The following SCAF11 variants were observed in gnomAD, a reference collection of about 807,000 sequenced individuals.
The protein encoded by SCAF11 is SR-related CTD associated factor 11.
SCAF11 carries 47 observed loss-of-function variants against 140.5 expected under a neutral mutation model. The ratio of observed to expected loss-of-function variants is 0.33; its 90% CI spans 0.26 to 0.43. The LOEUF is 0.43. SCAF11 is among the 20% of genes least tolerant of loss of function. The pLI is 1.00. For synonymous variants in SCAF11, 557 were observed against 579.4 expected, an observed-to-expected ratio of 0.96 and a Z score of 0.55; for missense variants, 1,645 against 1,705.1, an observed-to-expected ratio of 0.96 and a Z score of 0.62.
In SCAF11 at chr12:45,958,419, T is replaced by C. The variant is rs551673610; in HGVS notation, c.219+3281A>G. ...TAAAATAAATAACTTCCTAACTGAA[T>C]AGATGATAAGCTTTAGCATACTGGC... On this transcript the variant is annotated intron_variant, in intron 3 of 14. Transcript: ENST00000369367. Among the ~76,000 whole-genome samples, 6 of 152,330 alleles carry C rather than the reference T, an allele frequency of 3.9e-5. No homozygotes were observed. The South Asian group carries it at 1.0e-3, about 26-fold the overall frequency.
intron 12 of SCAF11, among the ~76,000 whole-genome samples, chr12:45,924,340 A>T (rs1016146489): frequency 2.0e-5 from 3 of 152,206 alleles, no homozygotes; most frequent in African/African-American, 7.2e-5. Context: ...TAAAAGCTTC[A>T]TCACAGTACT....
intron 1 of SCAF11, among the ~76,000 whole-genome samples, chr12:45,972,903 T>TAGATATATAG (rs1565688853): frequency 7.1e-5 from 7 of 98,702 alleles, no homozygotes; most frequent in African/African-American, 3.0e-4. Context: ...GATATATATA[T>TAGATATATAG]ATATAGATAT....
At chr12:45,977,924 CAG>C (rs1323731601) in intron 1 of SCAF11, among the ~76,000 whole-genome samples, 2 of 152,148 alleles carry the variant, frequency 1.3e-5, no homozygotes, top group Non-Finnish European at 2.9e-5. Flanking sequence ...GTTGCAGAAA[CAG>C]ATCAGTTCCA....
intron 1 of SCAF11, among the ~76,000 whole-genome samples, chr12:45,981,381 T>C (rs896787355): frequency 1.3e-5 from 2 of 152,186 alleles, no homozygotes; most frequent in Non-Finnish European, 2.9e-5. Context: ...TACAAATCCA[T>C]GCCAAAGAAA....
intron 6 of SCAF11, among the ~76,000 whole-genome samples, chr12:45,937,439 T>C (rs2136537459): frequency 6.6e-6 from 1 of 152,322 alleles, no homozygotes; most frequent in East Asian, 1.9e-4. Flanking sequence ...TCAGGTTGCT[T>C]TTGTCTTTGT....
chr12:45,966,861 C>T (rs1033120725), intron 1 of SCAF11, among the ~76,000 whole-genome samples: 1 of 152,036 alleles, frequency 6.6e-6, no homozygotes, highest in Non-Finnish European at 1.5e-5. Context: ...ATACTATCTC[C>T]TTCATTATCC....
chr12:45,948,661 T>C, intron 4 of SCAF11, 124 bp from the exon 5 acceptor site: 1 of 622,862 alleles, frequency 1.6e-6, no homozygotes, highest in Non-Finnish European at 2.8e-6. Flanking sequence ...GTAGTCCAAA[T>C]ACATATGCTT....
intron 13 of SCAF11, 57 bp downstream of exon 13, chr12:45,922,879 T>C (rs1286541594): frequency 1.3e-6 from 2 of 1,488,462 alleles, no homozygotes; most frequent in Admixed American, 1.7e-5. Flanking sequence ...AAAGCTGATA[T>C]TTTTTCTCCT....
Position 45,926,600 on chromosome 12 carries a change from G to C in SCAF11, c.3101C>G (p.Pro1034Arg). ...ITEKINSGPDPRTRNPEKLKE... is the reference protein window; with the variant it reads ...ITEKINSGPDRRTRNPEKLKE... ...CAACTTTTCTGGATTTCTGGTTCTT[G>C]GATCAGGCCCAGAGTTTATTTTTTC... Residue 1034 changes from proline (P) to arginine (R), a missense_variant, in exon 11 of 15, where the codon CCA becomes CGA. By Grantham distance (103) the Pro-to-Arg change is moderately radical. Transcript: ENST00000369367. The C allele has an allele frequency of 6.2e-7, 1 of 1,613,542 alleles. No homozygotes were observed. The highest frequency in any genetic ancestry group is 2.2e-5 in the East Asian group (1 of 44,880).
intron 6 of SCAF11, among the ~76,000 whole-genome samples, chr12:45,939,498 C>G (rs1191123914): frequency 1.3e-5 from 2 of 152,098 alleles, no homozygotes; most frequent in African/African-American, 4.8e-5. Context: ...GAGTTTGAGA[C>G]CAGCCTGACC....
chr12:45,964,645 G>A (rs1183137965), intron 1 of SCAF11, among the ~76,000 whole-genome samples: 3 of 151,596 alleles, frequency 2.0e-5, no homozygotes, highest in Admixed American at 6.6e-5. Context: ...CCAGCCTGGG[G>A]GACACAGTGA....
chr12:45,951,541 T>C (rs1314574583), intron 4 of SCAF11, 109 bp downstream of exon 4: 33 of 650,280 alleles, frequency 5.1e-5, no homozygotes, highest in African/African-American at 1.5e-4. Context: ...TAAAATAACA[T>C]ATTAAACCTT....
At chr12:45,939,627 G>A (rs1945248950) in intron 6 of SCAF11, among the ~76,000 whole-genome samples, 1 of 152,230 alleles carries the variant, frequency 6.6e-6, no homozygotes, top group Non-Finnish European at 1.5e-5. Flanking sequence ...GAACCCAGGA[G>A]GCGGAGGTTG....
In SCAF11 at chr12:45,948,455, T is replaced by G. The variant is rs747964852; in HGVS notation, c.380A>C (p.Asn127Thr). The change falls in exon 5 of 15, where the codon AAT becomes ACT. Residue 127 changes from asparagine to threonine, a missense_variant. Transcript: ENST00000369367. The stretch of plus-strand genomic sequence containing the variant: ...CACTAACCTTATACAGCTTTTAGAA[T>G]TTTCATGACAGGAGACCTGTTTCTC... The part of the protein sequence containing the change: ...SFEKQVSCHE[N>T]SKSCIRRKAI... The G allele has an allele frequency of 1.2e-6, 2 of 1,609,506 alleles. No individual in the cohort carries two copies. The highest frequency in any genetic ancestry group is 1.1e-5 in the South Asian group (1 of 90,530).
chr12:45,991,964 C>T (rs959585533), upstream of SCAF11: 27 of 1,289,270 alleles, frequency 2.1e-5, no homozygotes, highest in African/African-American at 3.2e-4. Flanking sequence ...GTGCTGCGCT[C>T]TCCAGCCACC....
At chr12:45,974,322 G>C (rs1168048941) in intron 1 of SCAF11, 1 of 431,652 alleles carries the variant, frequency 2.3e-6, no homozygotes, top group African/African-American at 2.0e-5. Flanking sequence ...GAAGGGCAGG[G>C]TTGGCTGTGG....
At position 45,924,905 on chromosome 12, in the gene SCAF11, T is replaced by C. The variant is rs142403222; in HGVS notation, c.3729A>G (p.Gln1243=). The change falls in exon 12 of 15, where the codon CAA becomes CAG. Residue 1243 remains glutamine, a synonymous_variant. Coordinates refer to ENST00000369367, the MANE Select transcript of SCAF11 (RefSeq NM_004719.3). The stretch of plus-strand genomic sequence containing the variant: ...GAGGATGAATGTTAAATGGATTGCG[T>C]TGGATGTTCATCAAAGGAGCATGAA... ...VGVHAPLMNI[Q]RNPFNIHPQL... 3.7e-6 allele frequency: 6 copies of C among 1,614,034 alleles called. No homozygotes were observed. The highest frequency in any genetic ancestry group is 1.3e-5 in the African/African-American group (1 of 74,916).
chr12:45,976,070 A>G (rs1280912890), intron 1 of SCAF11, among the ~76,000 whole-genome samples: 1 of 152,186 alleles, frequency 6.6e-6, no homozygotes, highest in Middle Eastern at 3.2e-3. Flanking sequence ...ACAAAACACA[A>G]TAAACTGAAC....
At chr12:45,960,764 A>T (rs1360249427) in intron 3 of SCAF11, 1 of 152,084 alleles carries the variant, frequency 6.6e-6, no homozygotes, top group Non-Finnish European at 1.5e-5. Context: ...CACACTATTA[A>T]TGAAAATTTA....
Sources: allele counts gnomAD v4.1 joint callset (sites outside exome capture counted in the v4.1 genomes callset), GRCh38; gene constraint gnomAD v4.1.1; transcripts MANE v1.5; gene names NCBI Gene and HGNC (gene_info 2026-07-23, HGNC 2026-07-21).